The following AGMO variants were observed in gnomAD, a reference collection of about 807,000 sequenced individuals.
AGMO encodes glyceryl-ether monooxygenase.
A neutral mutation model predicts 60.2 loss-of-function variants in AGMO; 75 were observed. The observed-to-expected ratio is 1.25, with a 90% CI of 1.03 to 1.51. The LOEUF is 1.51. Ranked by LOEUF, AGMO falls within the 40% of genes most tolerant of loss-of-function variation. The pLI is 0.00. For missense variants in AGMO, 763 were observed against 525.5 expected (o/e 1.45, Z -4.42); for synonymous variants, 261 against 177.1 (o/e 1.47, Z -3.76).
At chr7:15,125,193 C>T in the AGMO span, among the ~76,000 whole-genome samples, 1 of 152,044 alleles carries the variant, frequency 6.6e-6, no homozygotes, top group Non-Finnish European at 1.5e-5. Flanking sequence ...AGTTTGTTCA[C>T]TTTGAGAAGA....
chr7:15,537,353 A>G (rs914916457), intron 3 of AGMO, among the ~76,000 whole-genome samples: 5 of 152,114 alleles, frequency 3.3e-5, no homozygotes, highest in Non-Finnish European at 1.5e-5. Context: ...AGATCTTTTG[A>G]TTCAAATTTT....
chr7:15,510,024 G>C (rs1223532953), intron 3 of AGMO, among the ~76,000 whole-genome samples: 2 of 152,076 alleles, frequency 1.3e-5, no homozygotes, highest in African/African-American at 4.8e-5. Context: ...AAATATTACA[G>C]GTAGAACTAC....
At chr7:15,363,513 T>C (rs903524209) in intron 12 of AGMO, among the ~76,000 whole-genome samples, 3 of 152,198 alleles carry the variant, frequency 2.0e-5, no homozygotes, top group Non-Finnish European at 2.9e-5. Context: ...GGTGAAGTAA[T>C]TGCCAAAGAA....
chr7:15,561,178 A>G (rs1294706456), intron 1 of AGMO, among the ~76,000 whole-genome samples: 1 of 152,170 alleles, frequency 6.6e-6, no homozygotes, highest in Non-Finnish European at 1.5e-5. Context: ...TCCACTTCCA[A>G]TCATAGCCAG....
Position 15,534,660 on chromosome 7 carries a change from C to A in AGMO, c.409+10112G>T, listed in dbSNP as rs558398883. On this transcript the variant is annotated intron_variant, in intron 3 of 12. Coordinates refer to ENST00000342526, the MANE Select transcript of AGMO (RefSeq NM_001004320.2). Reference sequence around the variant, plus strand: ...GATAAATAGAAATCAATATGACATTCTTTATACAACCAAGTTTCCCTAGCT... The same window carrying A: ...GATAAATAGAAATCAATATGACATTATTTATACAACCAAGTTTCCCTAGCT... Among the ~76,000 whole-genome samples the A allele has an allele frequency of 1.3e-4, 19 of 151,842 alleles. No homozygotes were observed. In the East Asian group the frequency reaches 3.7e-3, roughly 29 times the overall value.
At chr7:15,474,535 C>A (rs1583590190) in intron 3 of AGMO, among the ~76,000 whole-genome samples, 1 of 152,170 alleles carries the variant, frequency 6.6e-6, no homozygotes, top group South Asian at 2.1e-4. Context: ...AAACTTTATA[C>A]AAAAATTAAC....
chr7:15,383,780 T>C (rs1438765526), intron 10 of AGMO, among the ~76,000 whole-genome samples: 1 of 152,164 alleles, frequency 6.6e-6, no homozygotes, highest in Non-Finnish European at 1.5e-5. Context: ...AATCCTATCT[T>C]TATTCATTTA....
chr7:15,175,112 G>A, the AGMO span, among the ~76,000 whole-genome samples: 1 of 151,858 alleles, frequency 6.6e-6, no homozygotes, highest in Non-Finnish European at 1.5e-5. Flanking sequence ...TTTTCAAGCA[G>A]TTAGACAATG....
chr7:15,347,344 T>C (rs77369385), intron 12 of AGMO, among the ~76,000 whole-genome samples: 1,761 of 152,148 alleles, frequency 0.012, 16 homozygotes, highest in Non-Finnish European at 0.019. Context: ...ACTAGATAAT[T>C]AGGTTTCTCC....
In AGMO at chr7:15,213,156, AT is replaced by A. The variant is rs551679624; in HGVS notation, c.1264-11798del. 7.0e-3 allele frequency among the ~76,000 whole-genome samples: 1,062 copies of A among 150,806 alleles called. 6 individuals carry two copies. The highest frequency in any genetic ancestry group is 0.017 in the Middle Eastern group (5 of 294). On this transcript the variant is annotated intron_variant, in intron 12 of 12. Coordinates refer to ENST00000342526, the MANE Select transcript of AGMO (RefSeq NM_001004320.2). ...TAAAACAAGTATAAATAAAAATTCT[AT>A]TTTTTTTTCCAACTCAATGGATCCT...
intron 12 of AGMO, among the ~76,000 whole-genome samples, chr7:15,223,169 T>TAA (rs1278948325): frequency 6.6e-6 from 1 of 152,046 alleles, no homozygotes; most frequent in Non-Finnish European, 1.5e-5. Flanking sequence ...CTCAAAAGGC[T>TAA]ATTTAAATAA....
Position 15,475,077 on chromosome 7 carries a change from C to A in AGMO, c.410-43969G>T, listed in dbSNP as rs530122043. ...GAGAGGATGTAGAGAAATAGGAACGCATTTACAGTGTTAGTGGGAGTGTAA... is the reference window on the plus strand; with the variant it reads ...GAGAGGATGTAGAGAAATAGGAACGAATTTACAGTGTTAGTGGGAGTGTAA... On this transcript the variant is annotated intron_variant, in intron 3 of 12. Transcript: ENST00000342526. Among the ~76,000 whole-genome samples the A allele has an allele frequency of 1.8e-3, 277 of 152,220 alleles. 1 individual carries two copies. Among genetic ancestry groups the A allele is most frequent in the Non-Finnish European group, 3.0e-3 (202 of 68,000 alleles).
At chr7:15,154,000 T>A in the AGMO span, among the ~76,000 whole-genome samples, 1 of 152,226 alleles carries the variant, frequency 6.6e-6, no homozygotes, top group South Asian at 2.1e-4. Context: ...ACTACTTCTA[T>A]TCAACATAGA....
intron 12 of AGMO, among the ~76,000 whole-genome samples, chr7:15,214,711 G>A (rs546107585): frequency 5.9e-5 from 9 of 151,982 alleles, no homozygotes; most frequent in Non-Finnish European, 1.2e-4. Context: ...CTTATTACTC[G>A]AATACATTTT....
At chr7:15,232,828 A>ACACACAC (rs1385058870) in intron 12 of AGMO, among the ~76,000 whole-genome samples, 10 of 93,808 alleles carry the variant, frequency 1.1e-4, no homozygotes, top group Admixed American at 3.8e-4. Context: ...CACACACACA[A>ACACACAC]AAACTAAAGA....
Position 15,390,847 on chromosome 7 carries a change from T to G in AGMO, c.735A>C (p.Lys245Asn), listed in dbSNP as rs768686109. The G allele has an allele frequency of 6.2e-7, 1 of 1,604,968 alleles. No homozygotes were observed. Among genetic ancestry groups the G allele is most frequent in the African/African-American group, 1.3e-5 (1 of 74,708 alleles). Residue 245 changes from lysine (K) to asparagine (N), a missense_variant, in exon 7 of 13, where the codon AAA becomes AAC. Coordinates refer to ENST00000342526, the MANE Select transcript of AGMO (RefSeq NM_001004320.2). ...NYAGVLIIWD[K>N]IFGTFEAENE... Reference sequence around the variant, plus strand: ...TTAATACATTTTACTTACCAAAAATTTTATCCCAAATAATAAGAACACCAG... The same window carrying G: ...TTAATACATTTTACTTACCAAAAATGTTATCCCAAATAATAAGAACACCAG...
At chr7:15,281,968 T>C (rs1409560742) in intron 12 of AGMO, among the ~76,000 whole-genome samples, 1 of 152,094 alleles carries the variant, frequency 6.6e-6, no homozygotes, top group Non-Finnish European at 1.5e-5. Flanking sequence ...TAGGAACCCA[T>C]ACAGGGTCTT....
chr7:15,354,379 T>TAC lies in AGMO; in HGVS notation c.1263+11133_1263+11134dup, dbSNP rs1554422621. On this transcript the variant is annotated intron_variant, in intron 12 of 12. Transcript: ENST00000342526. ...AGACGTGTGTATATAGACGTGTGTA[T>TAC]ACACGTGTGTGTATACACGTGTGTG... Among the ~76,000 whole-genome samples, 292 of 54,384 alleles carry TAC rather than the reference T, an allele frequency of 5.4e-3. 25 individuals carry two copies. The highest frequency in any genetic ancestry group is 0.015 in the African/African-American group (116 of 7,738). The allele number at this position is 54,384 out of a possible 152,430, so 35.7% of individuals were successfully genotyped here.
the AGMO span, among the ~76,000 whole-genome samples, chr7:15,124,261 C>G: frequency 6.6e-6 from 1 of 151,928 alleles, no homozygotes; most frequent in Non-Finnish European, 1.5e-5. Flanking sequence ...GGTTTTTTCC[C>G]TACCTTGCCT....
Sources: gnomAD v4.1 joint callset for allele counts (sites outside exome capture counted in the v4.1 genomes callset) on GRCh38, gnomAD v4.1.1 for gene constraint, MANE v1.5 for transcripts, NCBI Gene and HGNC (gene_info 2026-07-23, HGNC 2026-07-21) for gene names.